Variants in GRM7 observed in about 807,000 individuals in gnomAD.
GRM7 encodes the protein metabotropic glutamate receptor 7.
Under a neutral mutation model 84.5 loss-of-function variants are expected in GRM7, and 35 were observed. The ratio of observed to expected loss-of-function variants is 0.41; its 90% CI spans 0.32 to 0.55. GRM7 has a LOEUF of 0.55. GRM7 is among the 20% of genes least tolerant of loss of function. The probability of loss-of-function intolerance (pLI) is 0.19; values close to 1 mark genes in which losing one functional copy is unlikely to be tolerated. For synonymous variants in GRM7, 487 were observed against 455.1 expected (o/e 1.07, Z -0.89); for missense variants, 1,003 against 1,194.6 (o/e 0.84, Z 2.36).
At position 6,882,710 on chromosome 3, in the gene GRM7, GTTTTGTATCTT is replaced by G. The variant is rs539033881; in HGVS notation, c.519+20809_519+20819del. ...AATTATTAGACCAAACTATAAAAATGTTTTGTATCTTTTTTGCTTATTAGTATATAATGAGC... is the reference window on the plus strand; with the variant it reads ...AATTATTAGACCAAACTATAAAAATGTTTTGCTTATTAGTATATAATGAGC... On this transcript the variant is annotated intron_variant, in intron 1 of 9. Transcript: ENST00000357716. 9.9e-5 allele frequency among the ~76,000 whole-genome samples: 15 copies of G among 152,108 alleles called. No individual in the cohort carries two copies. In the East Asian group the frequency reaches 2.9e-3, roughly 29 times the overall value.
chr3:7,384,779 C>G, intron 4 of GRM7, among the ~76,000 whole-genome samples: 1 of 152,132 alleles, frequency 6.6e-6, no homozygotes, highest in East Asian at 1.9e-4. Context: ...ATCAGTTTAG[C>G]TCTACCTGGC....
At chr3:7,600,676 A>C (rs569421776) in intron 8 of GRM7, among the ~76,000 whole-genome samples, 32 of 152,244 alleles carry the variant, frequency 2.1e-4, no homozygotes, top group Non-Finnish European at 1.5e-5. Context: ...ATGCCTTTAA[A>C]TTACCTGTTA....
At chr3:6,884,017 T>C (rs1342846196) in intron 1 of GRM7, among the ~76,000 whole-genome samples, 1 of 152,230 alleles carries the variant, frequency 6.6e-6, no homozygotes, top group Non-Finnish European at 1.5e-5. Flanking sequence ...ATAAGTTATA[T>C]TGATGACAGT....
chr3:7,709,254 AAT>A (rs1368754121), intron 9 of GRM7, among the ~76,000 whole-genome samples: 10 of 152,288 alleles, frequency 6.6e-5, no homozygotes, highest in African/African-American at 2.2e-4. Context: ...AATTCTATAA[AAT>A]ATGTTACATA....
At chr3:7,468,109 A>AT (rs1388245234) in intron 7 of GRM7, among the ~76,000 whole-genome samples, 1 of 152,206 alleles carries the variant, frequency 6.6e-6, no homozygotes, top group Non-Finnish European at 1.5e-5. Flanking sequence ...TAATCACTCT[A>AT]TTGTTTCATA....
chr3:7,624,683 G>A (rs1391286382), intron 8 of GRM7, among the ~76,000 whole-genome samples: 4 of 152,204 alleles, frequency 2.6e-5, no homozygotes, highest in African/African-American at 9.6e-5. Context: ...TAATATATGG[G>A]AAGTGCCTAA....
chr3:6,933,947 C>A (rs1697597574), intron 1 of GRM7, among the ~76,000 whole-genome samples: 1 of 152,028 alleles, frequency 6.6e-6, no homozygotes, highest in South Asian at 2.1e-4. Flanking sequence ...AAGGAACCAA[C>A]AGGATCAGGG....
chr3:7,525,027 A>C (rs1276467963), intron 7 of GRM7, among the ~76,000 whole-genome samples: 1 of 149,996 alleles, frequency 6.7e-6, no homozygotes, highest in Admixed American at 6.7e-5. Flanking sequence ...AAAAAACCAA[A>C]CACCACATGT....
chr3:7,093,564 C>G (rs949345208), intron 1 of GRM7, among the ~76,000 whole-genome samples: 1 of 150,858 alleles, frequency 6.6e-6, no homozygotes, highest in African/African-American at 2.4e-5. Context: ...GTAATCCCAC[C>G]TACTCGGGGG....
At chr3:6,868,491 C>T (rs1274489441) in intron 1 of GRM7, among the ~76,000 whole-genome samples, 5 of 152,062 alleles carry the variant, frequency 3.3e-5, no homozygotes, top group African/African-American at 1.2e-4. Context: ...GCTTGTTCTC[C>T]CTTATACAAC....
intron 1 of GRM7, among the ~76,000 whole-genome samples, chr3:6,989,081 A>G (rs866276348): frequency 1.3e-5 from 2 of 152,200 alleles, no homozygotes; most frequent in African/African-American, 2.4e-5. Flanking sequence ...TAAATGGCCA[A>G]TGGTGAGCAG....
At chr3:7,122,620 G>T (rs1693263494) in intron 1 of GRM7, among the ~76,000 whole-genome samples, 1 of 152,068 alleles carries the variant, frequency 6.6e-6, no homozygotes, top group African/African-American at 2.4e-5. Context: ...TGAAAAATTT[G>T]GCTGACTTAC....
At chr3:7,602,289 G>C (rs1221088043) in intron 8 of GRM7, among the ~76,000 whole-genome samples, 1 of 152,030 alleles carries the variant, frequency 6.6e-6, no homozygotes. Context: ...CCCTCCCCTA[G>C]TCAGGTGACA....
intron 1 of GRM7, among the ~76,000 whole-genome samples, chr3:6,910,568 G>T (rs1696732810): frequency 6.6e-6 from 1 of 152,086 alleles, no homozygotes; most frequent in Non-Finnish European, 1.5e-5. Context: ...TAAATACAGT[G>T]AGCCTATAAA....
chr3:7,607,478 T>A (rs1696637832), intron 8 of GRM7: 1 of 152,202 alleles, frequency 6.6e-6, no homozygotes, highest in South Asian at 2.1e-4. Context: ...AAATACTGAT[T>A]ACTGTTGTCT....
At chr3:7,331,658 A>G (rs181912319) in intron 4 of GRM7, among the ~76,000 whole-genome samples, 1 of 152,166 alleles carries the variant, frequency 6.6e-6, no homozygotes, top group African/African-American at 2.4e-5. Context: ...TATTTCCAGG[A>G]GCTTTTGGGA....
chr3:7,303,105 T>C (rs1385111466), intron 3 of GRM7, among the ~76,000 whole-genome samples: 4 of 152,048 alleles, frequency 2.6e-5, no homozygotes, highest in Non-Finnish European at 4.4e-5. Flanking sequence ...CATGGCCAGC[T>C]AATTTTTTGT....
chr3:6,997,751 C>T (rs563308251), intron 1 of GRM7, among the ~76,000 whole-genome samples: 3 of 152,270 alleles, frequency 2.0e-5, no homozygotes, highest in South Asian at 2.1e-4. Flanking sequence ...AAAGTCTTAA[C>T]TCATTCCAGC....
At chr3:7,631,946 C>A (rs1381907273) in intron 8 of GRM7, among the ~76,000 whole-genome samples, 1 of 152,076 alleles carries the variant, frequency 6.6e-6, no homozygotes, top group African/African-American at 2.4e-5. Flanking sequence ...GAGAGTGGAA[C>A]TAATATACGT....
Sources: gnomAD v4.1 joint callset for allele counts (sites outside exome capture counted in the v4.1 genomes callset) on GRCh38, gnomAD v4.1.1 for gene constraint, MANE v1.5 for transcripts, NCBI Gene and HGNC (gene_info 2026-07-23, HGNC 2026-07-21) for gene names.